The following FBLN2 variants were observed in gnomAD, a reference collection of about 807,000 sequenced individuals.
FBLN2 encodes the protein fibulin-2.
In FBLN2, 81 loss-of-function variants were observed where a neutral mutation model predicts 123.7. The ratio of observed to expected loss-of-function variants is 0.65; its 90% CI spans 0.55 to 0.79. FBLN2 has a LOEUF of 0.79. FBLN2 is among the 30% of genes least tolerant of loss of function. The pLI is 0.00. For missense variants in FBLN2, 1,603 were observed against 1,681.3 expected, an observed-to-expected ratio of 0.95 and a Z score of 0.81; for synonymous variants, 699 against 701.4, an observed-to-expected ratio of 1.00 and a Z score of 0.05.
chr3:13,622,311 T>A (rs544464776), intron 9 of FBLN2, among the ~76,000 whole-genome samples: 60 of 152,226 alleles, frequency 3.9e-4, no homozygotes, highest in Non-Finnish European at 1.6e-4. Context: ...ATGACTCGTC[T>A]TCCCCCAGCT....
chr3:13,566,623 C>T (rs753865526), intron 1 of FBLN2: 3 of 152,242 alleles, frequency 2.0e-5, no homozygotes, highest in Non-Finnish European at 2.9e-5. Flanking sequence ...CCTTTCCCCT[C>T]CTGAGTGGAC....
At position 13,608,268 on chromosome 3, in the gene FBLN2, A is replaced by G. The variant is rs1424044779; in HGVS notation, c.1418+95A>G. The G allele has an allele frequency of 6.1e-5, 51 of 834,618 alleles. 1 individual carries two copies. In the East Asian group the frequency reaches 1.3e-3, roughly 22 times the overall value. 51.7% of individuals were successfully genotyped at this position (834,618 alleles called of 1,614,324 possible). ...CCCAGGCTCCAGGCAGCCCGGAGAG[A>G]GTGCACCTTCACATGCCTCTGGGGC... On this transcript the variant is annotated intron_variant, in intron 3 of 17. Transcript: ENST00000404922.
At chr3:13,571,765 TG>T in intron 2 of FBLN2, 104 bp downstream of exon 2, 1 of 1,338,570 alleles carries the variant, frequency 7.5e-7, no homozygotes, top group East Asian at 2.7e-5. Context: ...GATGCTGGAC[TG>T]TGGGGCCAGG....
intron 2 of FBLN2, among the ~76,000 whole-genome samples, chr3:13,592,248 A>C (rs1035483549): frequency 6.7e-6 from 1 of 150,342 alleles, no homozygotes; most frequent in African/African-American, 2.5e-5. Context: ...CTGCTCTCGA[A>C]CTCCTGACCT....
At chr3:13,555,970 C>T (rs1225464074) in intron 1 of FBLN2, among the ~76,000 whole-genome samples, 15 of 152,186 alleles carry the variant, frequency 9.9e-5, no homozygotes, top group Admixed American at 7.2e-4. Flanking sequence ...GTGGTAGGGG[C>T]GTCACATACC....
intron 16 of FBLN2, among the ~76,000 whole-genome samples, chr3:13,632,242 A>G (rs969968622): frequency 2.6e-5 from 4 of 152,230 alleles, no homozygotes; most frequent in Admixed American, 6.5e-5. Flanking sequence ...ACTCAGCCCC[A>G]TGGCCTCTTG....
At position 13,610,733 on chromosome 3, in the gene FBLN2, A is replaced by G. The variant is rs1705363273; in HGVS notation, c.1548+1091A>G. On this transcript the variant is annotated intron_variant, in intron 4 of 17. Transcript: ENST00000404922. ...CCTGGAACACTGGTTTTTCTCTCAT[A>G]TGCTGCAGGCTGGAGGAAGGCAGGG... 1.3e-5 allele frequency among the ~76,000 whole-genome samples: 2 copies of G among 152,092 alleles called. 1 individual carries two copies. The highest frequency in any genetic ancestry group is 3.9e-4 in the East Asian group (2 of 5,158).
At chr3:13,612,593 G>T (rs569642982) in intron 4 of FBLN2, among the ~76,000 whole-genome samples, 1 of 146,302 alleles carries the variant, frequency 6.8e-6, no homozygotes, top group South Asian at 2.1e-4. Flanking sequence ...GTTTTAGCCA[G>T]GATGGTCTCG....
At chr3:13,608,267 G>C (rs1188602496) in intron 3 of FBLN2, 94 bp downstream of exon 3, 2 of 838,264 alleles carry the variant, frequency 2.4e-6, no homozygotes, top group African/African-American at 1.7e-5. Context: ...AGCCCGGAGA[G>C]AGTGCACCTT....
chr3:13,608,250 T>A (rs1705273168), intron 3 of FBLN2, 77 bp downstream of exon 3: 9 of 1,058,454 alleles, frequency 8.5e-6, no homozygotes, highest in Non-Finnish European at 1.3e-5. Context: ...GACCCCAGGC[T>A]CCAGGCAGCC....
At chr3:13,613,861 G>A in intron 4 of FBLN2, 123 bp from the exon 5 acceptor site, 1 of 1,096,560 alleles carries the variant, frequency 9.1e-7, no homozygotes, top group Non-Finnish European at 1.3e-6. Flanking sequence ...CCCTGGGAGA[G>A]CGCATAGTCT....
At chr3:13,614,434 A>G (rs1043011588) in intron 5 of FBLN2, among the ~76,000 whole-genome samples, 3 of 151,982 alleles carry the variant, frequency 2.0e-5, no homozygotes, top group African/African-American at 7.3e-5. Flanking sequence ...TACTTTGTCT[A>G]TACATCTTCC....
At chr3:13,576,731 CG>C (rs759473725) in intron 2 of FBLN2, among the ~76,000 whole-genome samples, 38 of 149,500 alleles carry the variant, frequency 2.5e-4, no homozygotes, top group African/African-American at 9.1e-4. Flanking sequence ...CCCCCCCCCC[CG>C]GGTTCACTCA....
intron 1 of FBLN2, among the ~76,000 whole-genome samples, chr3:13,553,772 CTGGTGAGGAAG>C (rs1285654470): frequency 1.1e-4 from 16 of 152,340 alleles, no homozygotes; most frequent in African/African-American, 3.6e-4. Flanking sequence ...GGTCTGTGTG[CTGGTGAGGAAG>C]TGGTGCCACC....
intron 2 of FBLN2, among the ~76,000 whole-genome samples, chr3:13,605,070 T>C (rs1477029694): frequency 1.3e-5 from 2 of 152,212 alleles, no homozygotes; most frequent in South Asian, 4.1e-4. Context: ...CGGCTGTCAG[T>C]GGTAACGCTG....
intron 9 of FBLN2, among the ~76,000 whole-genome samples, chr3:13,623,747 G>T (rs1444915777): frequency 6.6e-6 from 1 of 152,188 alleles, no homozygotes; most frequent in Non-Finnish European, 1.5e-5. Flanking sequence ...AAACCAGTTG[G>T]TTAAACTCTC....
intron 4 of FBLN2, among the ~76,000 whole-genome samples, chr3:13,611,885 C>A (rs1329489313): frequency 6.6e-6 from 1 of 152,092 alleles, no homozygotes; most frequent in African/African-American, 2.4e-5. Context: ...GTCAGGTGCC[C>A]CAGTGAACAT....
intron 3 of FBLN2, among the ~76,000 whole-genome samples, chr3:13,608,887 A>G (rs943351080): frequency 1.3e-5 from 2 of 152,188 alleles, no homozygotes; most frequent in South Asian, 2.1e-4. Context: ...CTTCCTATAA[A>G]AAAAATTTAT....
At chr3:13,619,113 G>A (rs1705750352) in intron 7 of FBLN2, 96 bp downstream of exon 7, 6 of 841,640 alleles carry the variant, frequency 7.1e-6, no homozygotes, top group Non-Finnish European at 1.1e-5. Flanking sequence ...TGCTGGGTAT[G>A]TGCAAGATGG....
Sources: allele counts gnomAD v4.1 joint callset (sites outside exome capture counted in the v4.1 genomes callset), GRCh38; gene constraint gnomAD v4.1.1; transcripts MANE v1.5; gene names NCBI Gene and HGNC (gene_info 2026-07-23, HGNC 2026-07-21).